The following CHST11 variants were observed in gnomAD, a reference collection of about 807,000 sequenced individuals.
CHST11 encodes the protein carbohydrate sulfotransferase 11, also known as C4S-1.
In CHST11, 9 loss-of-function variants were observed where a neutral mutation model predicts 30.4. That is an observed-to-expected ratio of 0.30 (90% CI 0.18 to 0.52). The LOEUF is 0.52. Ranked by LOEUF, CHST11 falls within the 20% of genes least tolerant of loss-of-function variation. CHST11 has a pLI of 0.97. For missense variants in CHST11, 348 were observed against 460.6 expected, an observed-to-expected ratio of 0.76 and a Z score of 2.24; for synonymous variants, 152 against 187.8, an observed-to-expected ratio of 0.81 and a Z score of 1.56.
At chr12:104,491,021 CT>C (rs34815132) in intron 1 of CHST11, among the ~76,000 whole-genome samples, 45,574 of 146,644 alleles carry the variant, frequency 0.31, 7,269 homozygotes, top group East Asian at 0.5. Flanking sequence ...AGGTCTCTGG[CT>C]TTTTTTTTTT....
At chr12:104,469,842 T>A (rs2037491028) in intron 1 of CHST11, among the ~76,000 whole-genome samples, 2 of 152,228 alleles carry the variant, frequency 1.3e-5, no homozygotes, top group Admixed American at 1.3e-4. Flanking sequence ...TTTGAAATAG[T>A]CCCTGTTAGG....
intron 2 of CHST11, chr12:104,602,369 C>T (rs1271065032): frequency 4.2e-6 from 1 of 240,866 alleles, no homozygotes; most frequent in Non-Finnish European, 7.9e-6. Flanking sequence ...ACACCCATTC[C>T]CACATCCCAC....
intron 2 of CHST11, among the ~76,000 whole-genome samples, chr12:104,688,100 G>A (rs2039865274): frequency 6.6e-6 from 1 of 152,184 alleles, no homozygotes; most frequent in Admixed American, 6.5e-5. Context: ...GCTGGAAATT[G>A]GCATCCCTGT....
intron 1 of CHST11, among the ~76,000 whole-genome samples, chr12:104,540,711 T>A (rs371199919): frequency 5.9e-5 from 9 of 152,268 alleles, no homozygotes; most frequent in African/African-American, 1.9e-4. Context: ...CAGGGTTCAG[T>A]CTGGGAAAGC....
intron 1 of CHST11, among the ~76,000 whole-genome samples, chr12:104,542,626 G>A (rs1344755935): frequency 6.6e-6 from 1 of 152,228 alleles, no homozygotes; most frequent in African/African-American, 2.4e-5. Flanking sequence ...AGGACCTGGA[G>A]CCCCAGTGTC....
intron 1 of CHST11, among the ~76,000 whole-genome samples, chr12:104,457,791 T>G (rs1565948527): frequency 1.3e-4 from 19 of 147,614 alleles, no homozygotes; most frequent in Non-Finnish European, 2.9e-4. Context: ...GGTAGTTTTT[T>G]TTTTTTTTTT....
At chr12:104,707,937 C>T (rs903538351) in intron 2 of CHST11, among the ~76,000 whole-genome samples, 3 of 152,260 alleles carry the variant, frequency 2.0e-5, no homozygotes, top group South Asian at 2.1e-4. Context: ...CAGGCATGCA[C>T]ACAGATACAA....
chr12:104,466,467 A>T (rs892921599), intron 1 of CHST11, among the ~76,000 whole-genome samples: 1 of 152,148 alleles, frequency 6.6e-6, no homozygotes, highest in African/African-American at 2.4e-5. Context: ...AACCCTCGTG[A>T]CCCCATCTCC....
chr12:104,480,412 C>T (rs1048357117), intron 1 of CHST11, among the ~76,000 whole-genome samples: 1 of 151,842 alleles, frequency 6.6e-6, no homozygotes, highest in Non-Finnish European at 1.5e-5. Context: ...CCCGTCTCTA[C>T]TAAAAAATAC....
At chr12:104,756,875 T>G in intron 2 of CHST11, 74 bp from the exon 3 acceptor site, 5 of 1,504,900 alleles carry the variant, frequency 3.3e-6, no homozygotes, top group Non-Finnish European at 4.5e-6. Context: ...GGTGGATTTA[T>G]GATCTACTTG....
At chr12:104,542,853 T>G (rs2038298773) in intron 1 of CHST11, among the ~76,000 whole-genome samples, 1 of 152,196 alleles carries the variant, frequency 6.6e-6, no homozygotes, top group South Asian at 2.1e-4. Context: ...ATTTAGGACA[T>G]TTTAGGACCC....
intron 2 of CHST11, among the ~76,000 whole-genome samples, chr12:104,687,285 G>A (rs910758927): frequency 6.6e-6 from 1 of 152,228 alleles, no homozygotes; most frequent in African/African-American, 2.4e-5. Context: ...AAGGGTTGTT[G>A]ACTGAATTCG....
chr12:104,741,187 G>A (rs998831675), intron 2 of CHST11, among the ~76,000 whole-genome samples: 2 of 152,218 alleles, frequency 1.3e-5, no homozygotes, highest in African/African-American at 2.4e-5. Flanking sequence ...GGAGCAGGTT[G>A]AGGCAAAGGG....
chr12:104,738,557 C>G (rs1157678743), intron 2 of CHST11, among the ~76,000 whole-genome samples: 1 of 152,218 alleles, frequency 6.6e-6, no homozygotes, highest in Non-Finnish European at 1.5e-5. Flanking sequence ...CACACCCGCC[C>G]CATGATGCAA....
At chr12:104,487,365 G>A (rs935213876) in intron 1 of CHST11, among the ~76,000 whole-genome samples, 3 of 152,084 alleles carry the variant, frequency 2.0e-5, no homozygotes, top group Admixed American at 1.3e-4. Context: ...GGGCTTAAGC[G>A]ATCCTCCCAC....
At chr12:104,604,237 T>C (rs1160981039) in intron 2 of CHST11, among the ~76,000 whole-genome samples, 1 of 152,118 alleles carries the variant, frequency 6.6e-6, no homozygotes, top group Non-Finnish European at 1.5e-5. Context: ...AGCAGTAGCC[T>C]GGGACTTGGG....
At chr12:104,657,086 A>G (rs1012738645) in intron 2 of CHST11, among the ~76,000 whole-genome samples, 4 of 152,148 alleles carry the variant, frequency 2.6e-5, no homozygotes, top group African/African-American at 9.7e-5. Flanking sequence ...CTTGGAAGCA[A>G]TGGAGCCCAG....
At position 104,600,186 on chromosome 12, in the gene CHST11, C is replaced by T. The variant is rs1464531096; in HGVS notation, c.119-1720C>T. Among the ~76,000 whole-genome samples the T allele has an allele frequency of 6.6e-6, 1 of 152,234 alleles. No individual in the cohort carries two copies. Among genetic ancestry groups the T allele is most frequent in the Non-Finnish European group, 1.5e-5 (1 of 68,032 alleles). On this transcript the variant is annotated intron_variant, in intron 1 of 2. Coordinates refer to ENST00000303694, the MANE Select transcript of CHST11 (RefSeq NM_018413.6). This position sits in a 1 kb window ranked among gnomAD's most constrained non-coding sequence, Gnocchi z 4.1. Reference sequence around the variant, plus strand: ...TTCCACGTGGCTCAAAGTGACAAGTCAACGGAGGCTCACCTGAGCAGTAGT... The same window carrying T: ...TTCCACGTGGCTCAAAGTGACAAGTTAACGGAGGCTCACCTGAGCAGTAGT...
At chr12:104,628,564 A>G (rs1156576245) in intron 2 of CHST11, among the ~76,000 whole-genome samples, 1 of 152,152 alleles carries the variant, frequency 6.6e-6, no homozygotes. Flanking sequence ...TTCCGCTGAC[A>G]GAAGAGGCTC....
Sources: allele counts gnomAD v4.1 joint callset (sites outside exome capture counted in the v4.1 genomes callset), GRCh38; gene constraint gnomAD v4.1.1; non-coding constraint Gnocchi (gnomAD v3.1); transcripts MANE v1.5; gene names NCBI Gene and HGNC (gene_info 2026-07-23, HGNC 2026-07-21).